CAPG: variants seen among roughly 807,000 people sequenced by gnomAD.
The protein encoded by CAPG is macrophage-capping protein.
CAPG carries 32 observed loss-of-function variants against 44.6 expected under a neutral mutation model. The ratio of observed to expected loss-of-function variants is 0.72; its 90% confidence interval spans 0.54 to 0.96. The LOEUF is 0.96. Ranked by LOEUF, CAPG falls within the 50% of genes least tolerant of loss-of-function variation. The pLI is 0.00. For synonymous variants in CAPG, 175 were observed against 179.6 expected (o/e 0.97, Z 0.20); for missense variants, 412 against 438.3 (o/e 0.94, Z 0.54).
chr2:85,410,269 C>T (rs1034274341), intron 1 of CAPG, 48 bp downstream of exon 1: 2 of 152,730 alleles, frequency 1.3e-5, no homozygotes, highest in Non-Finnish European at 2.9e-5. Context: ...GGCAGCCACC[C>T]TGCCACCTTC....
upstream of CAPG, among the ~76,000 whole-genome samples, chr2:85,411,907 C>G (rs944167365): frequency 2.0e-4 from 30 of 151,304 alleles, no homozygotes; most frequent in African/African-American, 7.0e-4. Context: ...ACTAAAAATA[C>G]AAAAATTAGC....
At chr2:85,394,470 G>A (rs1303589080), downstream of CAPG, among the ~76,000 whole-genome samples, 1 of 152,224 alleles carries the variant, frequency 6.6e-6, no homozygotes, top group East Asian at 1.9e-4. Context: ...TGCCTTAAAT[G>A]GAACTGCATC....
intron 1 of CAPG, among the ~76,000 whole-genome samples, chr2:85,407,992 G>T (rs1282089743): frequency 6.6e-6 from 1 of 151,980 alleles, no homozygotes; most frequent in Non-Finnish European, 1.5e-5. Context: ...CTCTGTCCAA[G>T]CCCACAGCTC....
At chr2:85,412,744 A>G (rs1687452239), upstream of CAPG, among the ~76,000 whole-genome samples, 1 of 152,146 alleles carries the variant, frequency 6.6e-6, no homozygotes, top group Non-Finnish European at 1.5e-5. Flanking sequence ...GAATCCCAGT[A>G]GGGCCTAGTC....
chr2:85,405,469 G>A (rs1687102495), intron 1 of CAPG, among the ~76,000 whole-genome samples: 1 of 152,142 alleles, frequency 6.6e-6, no homozygotes, highest in South Asian at 2.1e-4. Context: ...GGGTAAAAAT[G>A]CAAGCTGGCA....
chr2:85,410,896 T>C (rs1464367298), upstream of CAPG, among the ~76,000 whole-genome samples: 2 of 151,328 alleles, frequency 1.3e-5, no homozygotes, highest in Admixed American at 1.3e-4. Flanking sequence ...CAGGGTTCAC[T>C]GTCACGCAAG....
At chr2:85,400,232 G>C (rs565154326) in intron 5 of CAPG, among the ~76,000 whole-genome samples, 2 of 152,308 alleles carry the variant, frequency 1.3e-5, no homozygotes, top group East Asian at 3.9e-4. Flanking sequence ...CTGACTGAGT[G>C]AAGGACTGGA....
intron 1 of CAPG, among the ~76,000 whole-genome samples, chr2:85,405,282 C>T (rs1478458531): frequency 6.6e-6 from 1 of 152,152 alleles, no homozygotes; most frequent in African/African-American, 2.4e-5. Context: ...CGGCTCCACT[C>T]ACTGTCGCTT....
intron 1 of CAPG, among the ~76,000 whole-genome samples, chr2:85,407,106 C>T (rs745905873): frequency 2.6e-5 from 4 of 151,760 alleles, no homozygotes; most frequent in Admixed American, 6.6e-5. Context: ...ATTTTTTGTA[C>T]TTTTAGTAGA....
At position 85,395,393 on chromosome 2, in the gene CAPG, C is replaced by A; in HGVS notation, c.981+145G>T. On this transcript the variant is annotated intron_variant, in intron 9 of 9. Coordinates refer to ENST00000263867, the MANE Select transcript of CAPG (RefSeq NM_001747.4). The surrounding 1 kb of genome is among the most constrained non-coding windows in gnomAD (Gnocchi z 4.3). ...TGACATTTTGAAGGATTGAGATGGG[C>A]TTTCCCACTGGATGGGTCTAAGAGG... is the stretch of plus-strand genomic sequence containing the variant. The A allele has an allele frequency of 1.5e-6, 1 of 653,504 alleles. No homozygotes were observed. Among genetic ancestry groups the A allele is most frequent in the Non-Finnish European group, 2.8e-6 (1 of 361,854 alleles). The allele number at this position is 653,504 out of a possible 1,614,324, so 40.5% of individuals were successfully genotyped here.
At chr2:85,396,575 C>A (rs1465340241) in intron 8 of CAPG, among the ~76,000 whole-genome samples, 2 of 152,184 alleles carry the variant, frequency 1.3e-5, no homozygotes, top group African/African-American at 4.8e-5. Context: ...TCCTTCTCTT[C>A]CTGGCCTCCC....
At position 85,395,109 on chromosome 2, in the gene CAPG, G is replaced by A. The variant is rs1445684851; in HGVS notation, c.982-151C>T. On this transcript the variant is annotated intron_variant, in intron 9 of 9. Transcript: ENST00000263867. This position sits in a 1 kb window ranked among gnomAD's most constrained non-coding sequence, Gnocchi z 4.3. ...CCAGGCTGGGAAAGCTCCCCTGGATGAGCCATGAGATGAGAACCAAGATTT... is the reference window on the plus strand; with the variant it reads ...CCAGGCTGGGAAAGCTCCCCTGGATAAGCCATGAGATGAGAACCAAGATTT... 5 of 667,798 alleles carry A rather than the reference G, an allele frequency of 7.5e-6. No individual in the cohort carries two copies. The highest frequency in any genetic ancestry group is 2.7e-5 in the East Asian group (1 of 36,872). 41.4% of individuals were successfully genotyped at this position (667,798 alleles called of 1,614,324 possible). A position where few individuals can be genotyped will look rare whatever the true frequency, so the allele number is the denominator to read the frequency against.
Position 85,399,283 on chromosome 2 carries a change from G to T in CAPG, c.519C>A (p.Asn173Lys). The change falls in exon 6 of 10, where the codon AAC becomes AAA. Residue 173 changes from asparagine to lysine, a missense_variant and splice_region_variant. By Grantham distance (94) the Asn-to-Lys change is moderately conservative (BLOSUM62 0). Transcript: ENST00000263867. Reference protein sequence around the residue: ...GDCFILDLGQNIFAWCGGKSN... With the variant: ...GDCFILDLGQKIFAWCGGKSN... ...ACTTTCCACCACACCAGGCGAAGAT[G>T]TTCTGCAAGGAAGCAGGAAAGTCCG... The T allele has an allele frequency of 6.2e-7, 1 of 1,614,002 alleles. No homozygotes were observed. Among genetic ancestry groups the T allele is most frequent in the Non-Finnish European group, 8.5e-7 (1 of 1,179,942 alleles).
intron 1 of CAPG, among the ~76,000 whole-genome samples, chr2:85,405,708 T>G (rs569435375): frequency 5.3e-5 from 8 of 152,300 alleles, no homozygotes; most frequent in African/African-American, 1.9e-4. Flanking sequence ...GGAAGGCATA[T>G]TTTGGCACCA....
intron 1 of CAPG, among the ~76,000 whole-genome samples, chr2:85,403,580 A>G (rs78943564): frequency 0.034 from 5,214 of 152,328 alleles, 205 homozygotes; most frequent in African/African-American, 0.094. Flanking sequence ...TCTCATGAAC[A>G]TACACATACA....
At chr2:85,402,926 AC>A (rs1686973898) in intron 1 of CAPG, among the ~76,000 whole-genome samples, 1 of 151,792 alleles carries the variant, frequency 6.6e-6, no homozygotes, top group South Asian at 2.1e-4. Flanking sequence ...CCACACCACC[AC>A]GCCTGGCTAA....
At position 85,401,851 on chromosome 2, in the gene CAPG, A is replaced by C. The variant is rs2104810503; in HGVS notation, c.130T>G (p.Ser44Ala). ...VAQENQGVFF[S>A]GDSYLVLHNG... ...TGCAGCACTAGGTAGGAGTCCCCCG[A>C]GAAGAAGACGCCCTGGTTCTCTTGC... Residue 44 changes from serine (S) to alanine (A), a missense_variant, in exon 3 of 10, where the codon TCG (serine) becomes GCG (alanine). Transcript: ENST00000263867. 1 of 1,613,992 alleles carries C rather than the reference A, an allele frequency of 6.2e-7. No homozygotes were observed. Among genetic ancestry groups the C allele is most frequent in the East Asian group, 2.2e-5 (1 of 44,868 alleles).
At chr2:85,401,111 T>A (rs1441474493) in intron 5 of CAPG, 54 bp downstream of exon 5, 1 of 1,556,452 alleles carries the variant, frequency 6.4e-7, no homozygotes, top group African/African-American at 1.4e-5. Flanking sequence ...TGCCCCTCCG[T>A]CCTTATAAAG....
upstream of CAPG, among the ~76,000 whole-genome samples, chr2:85,411,412 C>T (rs1243966685): frequency 6.6e-6 from 1 of 152,176 alleles, no homozygotes; most frequent in Non-Finnish European, 1.5e-5. Context: ...TGGAGGACAC[C>T]GAGGTCCTGA....
Sources: allele counts gnomAD v4.1 joint callset (sites outside exome capture counted in the v4.1 genomes callset), GRCh38; gene constraint gnomAD v4.1.1; non-coding constraint Gnocchi (gnomAD v3.1); transcripts MANE v1.5; gene names NCBI Gene and HGNC (gene_info 2026-07-23, HGNC 2026-07-21).